The following FGF12 variants were observed in gnomAD, a reference collection of about 807,000 sequenced individuals.
The protein encoded by FGF12 is fibroblast growth factor 12B.
In FGF12, 14 loss-of-function variants were observed where a neutral mutation model predicts 23.6. The ratio of observed to expected loss-of-function variants is 0.59; its 90% CI spans 0.39 to 0.93. FGF12 has a LOEUF of 0.93. FGF12 is among the 40% of genes least tolerant of loss of function. The pLI, the probability that FGF12 is intolerant of heterozygous loss-of-function variation, is 0.00. For missense variants in FGF12, 175 were observed against 217.8 expected, an observed-to-expected ratio of 0.80 and a Z score of 1.24; for synonymous variants, 62 against 77.3, an observed-to-expected ratio of 0.80 and a Z score of 1.04.
At chr3:192,238,959 T>C (rs971503493) in intron 4 of FGF12, among the ~76,000 whole-genome samples, 3 of 152,204 alleles carry the variant, frequency 2.0e-5, no homozygotes, top group African/African-American at 7.2e-5. Flanking sequence ...CCACAAACAG[T>C]ACTCATCTTG....
At chr3:192,502,582 C>A (rs1242077727) in intron 2 of FGF12, among the ~76,000 whole-genome samples, 1 of 152,198 alleles carries the variant, frequency 6.6e-6, no homozygotes, top group Non-Finnish European at 1.5e-5. Flanking sequence ...ATTACTTTTT[C>A]TGGACCAGGA....
At chr3:192,167,772 A>ATATATATTTTTT (rs1715302128) in intron 5 of FGF12, among the ~76,000 whole-genome samples, 4 of 15,396 alleles carry the variant, frequency 2.6e-4, no homozygotes, top group African/African-American at 2.2e-4. Context: ...TATATATAAA[A>ATATATATTTTTT]TTTTTTTTTT....
intron 2 of FGF12, among the ~76,000 whole-genome samples, chr3:192,432,110 A>C (rs1721875621): frequency 6.6e-6 from 1 of 152,142 alleles, no homozygotes; most frequent in South Asian, 2.1e-4. Context: ...GACTTATTTC[A>C]ACCACCATCT....
At chr3:192,559,880 C>T (rs192922779) in intron 2 of FGF12, among the ~76,000 whole-genome samples, 36 of 152,170 alleles carry the variant, frequency 2.4e-4, no homozygotes, top group Non-Finnish European at 4.4e-5. Context: ...GATTTCAGCA[C>T]TATCTCAACC....
chr3:192,410,463 G>A (rs955726903), intron 2 of FGF12, among the ~76,000 whole-genome samples: 1 of 152,122 alleles, frequency 6.6e-6, no homozygotes, highest in Non-Finnish European at 1.5e-5. Flanking sequence ...CCCTAGGTGC[G>A]CAAAGAAGAG....
intron 4 of FGF12, among the ~76,000 whole-genome samples, chr3:192,326,923 C>A (rs1197054974): frequency 6.6e-6 from 1 of 152,166 alleles, no homozygotes; most frequent in Non-Finnish European, 1.5e-5. Context: ...AGAGTTATTG[C>A]AAGGCTCAAA....
intron 2 of FGF12, among the ~76,000 whole-genome samples, chr3:192,377,230 C>G (rs1338648233): frequency 1.3e-5 from 2 of 152,204 alleles, no homozygotes; most frequent in Non-Finnish European, 2.9e-5. Context: ...AGGCCCCTGC[C>G]TGCCTCACAC....
At chr3:192,450,942 C>T (rs1722503863) in intron 2 of FGF12, among the ~76,000 whole-genome samples, 1 of 152,172 alleles carries the variant, frequency 6.6e-6, no homozygotes, top group Admixed American at 6.5e-5. Flanking sequence ...ACACTCATTT[C>T]CAATATCACC....
At chr3:192,463,151 G>A (rs1018420884) in intron 2 of FGF12, among the ~76,000 whole-genome samples, 2 of 152,166 alleles carry the variant, frequency 1.3e-5, no homozygotes, top group Non-Finnish European at 2.9e-5. Context: ...GGGTGCGGTG[G>A]CTCATGCCTA....
At chr3:192,720,142 T>C (rs1718995122) in intron 2 of FGF12, among the ~76,000 whole-genome samples, 1 of 152,264 alleles carries the variant, frequency 6.6e-6, no homozygotes, top group Non-Finnish European at 1.5e-5. Flanking sequence ...CTCAGGCTAA[T>C]GGCCAATCCA....
At chr3:192,649,812 C>T (rs1221950597) in intron 2 of FGF12, among the ~76,000 whole-genome samples, 1 of 152,022 alleles carries the variant, frequency 6.6e-6, no homozygotes, top group Non-Finnish European at 1.5e-5. Flanking sequence ...CTGCCCACCC[C>T]TTCCTCCCAA....
At chr3:192,645,767 TAAAAAAAAAAAAAAA>T (rs55809400) in intron 2 of FGF12, among the ~76,000 whole-genome samples, 28 of 71,042 alleles carry the variant, frequency 3.9e-4, no homozygotes, top group Admixed American at 1.8e-3. Context: ...ACAAAACAGG[TAAAAAAAAAAAAAAA>T]AAAAAAAAAA....
At chr3:192,714,878 C>T (rs1718819011) in intron 2 of FGF12, among the ~76,000 whole-genome samples, 1 of 152,160 alleles carries the variant, frequency 6.6e-6, no homozygotes, top group Non-Finnish European at 1.5e-5. Flanking sequence ...GAACTTTACC[C>T]TAGAATACTA....
At chr3:192,310,519 C>T (rs1445270908) in intron 4 of FGF12, among the ~76,000 whole-genome samples, 1 of 152,008 alleles carries the variant, frequency 6.6e-6, no homozygotes, top group Non-Finnish European at 1.5e-5. Flanking sequence ...TGCAAGGCAC[C>T]AAAAATGTAC....
At chr3:192,154,781 T>C (rs13067081) in intron 5 of FGF12, among the ~76,000 whole-genome samples, 65,162 of 134,146 alleles carry the variant, frequency 0.49, 15,883 homozygotes, top group Middle Eastern at 0.57. Context: ...GTCTGTGCCC[T>C]GCCCCCAGAG....
At chr3:192,540,422 C>T in intron 2 of FGF12, among the ~76,000 whole-genome samples, 1 of 151,972 alleles carries the variant, frequency 6.6e-6, no homozygotes, top group Non-Finnish European at 1.5e-5. Context: ...AACATACTGT[C>T]TAATTTCCTC....
intron 2 of FGF12, among the ~76,000 whole-genome samples, chr3:192,702,442 C>A (rs1484787983): frequency 6.6e-6 from 1 of 152,048 alleles, no homozygotes; most frequent in Non-Finnish European, 1.5e-5. Flanking sequence ...AAGTTGAAAA[C>A]TTTCTTATAG....
chr3:192,358,640 G>A (rs1281157898), intron 3 of FGF12, among the ~76,000 whole-genome samples: 1 of 152,122 alleles, frequency 6.6e-6, no homozygotes, highest in Admixed American at 6.5e-5. Context: ...TTCCTAGAAA[G>A]AGTGAAGGAA....
intron 3 of FGF12, among the ~76,000 whole-genome samples, chr3:192,341,038 G>A (rs1313386354): frequency 1.3e-5 from 2 of 152,108 alleles, no homozygotes; most frequent in African/African-American, 4.8e-5. Flanking sequence ...TGGAATGGGA[G>A]AAAATATTTG....
Sources: gnomAD v4.1 joint callset for allele counts (sites outside exome capture counted in the v4.1 genomes callset) on GRCh38, gnomAD v4.1.1 for gene constraint, MANE v1.5 for transcripts, NCBI Gene and HGNC (gene_info 2026-07-23, HGNC 2026-07-21) for gene names.